Variants in APBA1 observed in about 807,000 individuals in gnomAD.
APBA1 encodes amyloid beta precursor protein binding family A member 1.
A neutral mutation model predicts 86.6 loss-of-function variants in APBA1; 55 were observed. That is an observed-to-expected ratio of 0.64 (90% CI 0.51 to 0.80). The LOEUF (loss-of-function observed/expected upper bound fraction) is 0.80, where lower values mean the gene tolerates loss of function less well. APBA1 is among the 30% of genes least tolerant of loss of function. The pLI, the probability that APBA1 is intolerant of heterozygous loss-of-function variation, is 0.00. For synonymous variants in APBA1, 511 were observed against 493.9 expected (o/e 1.03, Z -0.46); for missense variants, 1,090 against 1,183.0 (o/e 0.92, Z 1.15).
rs375520741 is a variant in APBA1 at position 69,516,035 on chromosome 9, G to T, written c.1176C>A (p.Asp392Glu). The change falls in exon 2 of 13, where the codon GAC becomes GAA. Residue 392 changes from aspartate to glutamate, a missense_variant. By Grantham distance (45) the Asp-to-Glu change is conservative. This residue lies in a region of APBA1 where 678 missense variants were observed against 647.1 expected (regional missense o/e 1.05). Coordinates refer to ENST00000265381, the MANE Select transcript of APBA1 (RefSeq NM_001163.4). This position sits in a 1 kb window ranked among gnomAD's most constrained non-coding sequence, Gnocchi z 7.3. ...CATCTCCGTCCATCGGCCTCTGGTC[G>T]TCACAGTCCCTGGTGGGGCTAATGT... ...RQDISPTRDC[D>E]DQRPMDGDSP... is the part of the protein sequence containing the mutation. 2 of 1,589,256 alleles carry T rather than the reference G, an allele frequency of 1.3e-6. No homozygotes were observed. Among genetic ancestry groups the T allele is most frequent in the Non-Finnish European group, 1.7e-6 (2 of 1,165,560 alleles).
At chr9:69,632,313 T>A (rs952353790) in intron 1 of APBA1, among the ~76,000 whole-genome samples, 3 of 152,112 alleles carry the variant, frequency 2.0e-5, no homozygotes, top group African/African-American at 7.2e-5. Flanking sequence ...AAGCAAATAT[T>A]AATCATTACT....
At chr9:69,537,559 G>T (rs1836533037) in intron 1 of APBA1, among the ~76,000 whole-genome samples, 1 of 152,106 alleles carries the variant, frequency 6.6e-6, no homozygotes, top group Non-Finnish European at 1.5e-5. Context: ...GGAAAGGAGG[G>T]AAGGAGGGTC....
chr9:69,451,428 C>A (rs1208744740), intron 9 of APBA1, among the ~76,000 whole-genome samples: 2 of 152,200 alleles, frequency 1.3e-5, no homozygotes, highest in African/African-American at 2.4e-5. Flanking sequence ...AAGTCCAAAC[C>A]CCTCAGCTGG....
intron 1 of APBA1, among the ~76,000 whole-genome samples, chr9:69,608,677 G>A (rs1379215534): frequency 6.6e-6 from 1 of 152,124 alleles, no homozygotes; most frequent in African/African-American, 2.4e-5. Flanking sequence ...CTTCTCCCTC[G>A]AAGTGGTGAT....
At chr9:69,562,325 T>C (rs1836958594) in intron 1 of APBA1, among the ~76,000 whole-genome samples, 3 of 152,080 alleles carry the variant, frequency 2.0e-5, no homozygotes, top group African/African-American at 7.2e-5. Flanking sequence ...TTATACCTTA[T>C]AGTATAAATA....
intron 5 of APBA1, 49 bp downstream of exon 5, chr9:69,467,774 G>A (rs1202285548): frequency 6.2e-7 from 1 of 1,609,926 alleles, no homozygotes; most frequent in Non-Finnish European, 8.5e-7. Flanking sequence ...GACTGCTCCA[G>A]TGCCTACACC....
intron 1 of APBA1, among the ~76,000 whole-genome samples, chr9:69,671,681 T>C (rs1197246903): frequency 6.6e-6 from 1 of 151,996 alleles, no homozygotes; most frequent in Admixed American, 6.6e-5. Flanking sequence ...CCCTCCACAC[T>C]TCACACACCA....
At chr9:69,439,644 A>G (rs924430395) in intron 11 of APBA1, among the ~76,000 whole-genome samples, 1 of 152,118 alleles carries the variant, frequency 6.6e-6, no homozygotes, top group Non-Finnish European at 1.5e-5. Context: ...CAGGTCCTTT[A>G]AGGACTTCTC....
chr9:69,556,692 T>C (rs1836864752), intron 1 of APBA1, among the ~76,000 whole-genome samples: 1 of 152,254 alleles, frequency 6.6e-6, no homozygotes, highest in African/African-American at 2.4e-5. Context: ...TTATTTCTTT[T>C]GTGTCAACCA....
intron 9 of APBA1, among the ~76,000 whole-genome samples, chr9:69,451,001 G>C (rs573126957): frequency 6.6e-6 from 1 of 152,270 alleles, no homozygotes; most frequent in South Asian, 2.1e-4. Flanking sequence ...CTGGCCACAA[G>C]GTCTGTGAGA....
intron 1 of APBA1, among the ~76,000 whole-genome samples, chr9:69,667,527 A>C: frequency 6.7e-6 from 1 of 149,294 alleles, no homozygotes; most frequent in African/African-American, 2.5e-5. Context: ...TCCACCTCAA[A>C]ATTCCTATGC....
At chr9:69,597,274 A>G (rs2133970144) in intron 1 of APBA1, among the ~76,000 whole-genome samples, 1 of 152,260 alleles carries the variant, frequency 6.6e-6, no homozygotes, top group African/African-American at 2.4e-5. Flanking sequence ...CAGTGATGAT[A>G]AGCATGTTTT....
chr9:69,450,973 C>T (rs1834998251), intron 9 of APBA1, among the ~76,000 whole-genome samples: 1 of 152,222 alleles, frequency 6.6e-6, no homozygotes. Flanking sequence ...ATGCTAACAA[C>T]ACCTTGCTTT....
In APBA1 at chr9:69,497,976, G is replaced by T. The variant is rs140615373; in HGVS notation, c.1200+18035C>A. ...CAGTAGCTCTTTGCTGGCATGGAAC[G>T]ATGACAGATACCAAATGTGGAAGGC... On this transcript the variant is annotated intron_variant, in intron 2 of 12. Transcript: ENST00000265381. Among the ~76,000 whole-genome samples, 166 of 152,216 alleles carry T rather than the reference G, an allele frequency of 1.1e-3. 2 individuals are homozygous for T. Among genetic ancestry groups the T allele is most frequent in the African/African-American group, 3.8e-3 (156 of 41,546 alleles).
At chr9:69,511,623 C>T (rs1168011635) in intron 2 of APBA1, among the ~76,000 whole-genome samples, 156 of 151,880 alleles carry the variant, frequency 1.0e-3, no homozygotes, top group African/African-American at 3.5e-3. Flanking sequence ...CACATGCACA[C>T]GTATGTTTAC....
chr9:69,447,470 G>C (rs1348558418), intron 10 of APBA1, among the ~76,000 whole-genome samples: 3 of 152,170 alleles, frequency 2.0e-5, no homozygotes, highest in Non-Finnish European at 4.4e-5. Flanking sequence ...CCTGTGCATT[G>C]TAGGATGTTT....
intron 1 of APBA1, among the ~76,000 whole-genome samples, chr9:69,595,465 C>A (rs1221576907): frequency 6.6e-6 from 1 of 152,194 alleles, no homozygotes; most frequent in Non-Finnish European, 1.5e-5. Flanking sequence ...TGGCTTCGGA[C>A]TATGTCACAC....
At chr9:69,506,284 T>A (rs1835963227) in intron 2 of APBA1, among the ~76,000 whole-genome samples, 2 of 150,706 alleles carry the variant, frequency 1.3e-5, no homozygotes, top group South Asian at 4.2e-4. Context: ...GAGTTCCCTT[T>A]CTGAGTCAAA....
At chr9:69,640,040 T>C (rs932152078) in intron 1 of APBA1, among the ~76,000 whole-genome samples, 6 of 151,896 alleles carry the variant, frequency 4.0e-5, no homozygotes, top group Non-Finnish European at 7.4e-5. Context: ...ATAAAGAACA[T>C]CCTACAGGAA....
Sources: allele counts gnomAD v4.1 joint callset (sites outside exome capture counted in the v4.1 genomes callset), GRCh38; gene constraint gnomAD v4.1.1; regional missense constraint gnomAD v4.1.1; non-coding constraint Gnocchi (gnomAD v3.1); transcripts MANE v1.5; gene names NCBI Gene and HGNC (gene_info 2026-07-23, HGNC 2026-07-21).